The following TMEM156 variants were observed in gnomAD, a reference collection of about 807,000 sequenced individuals.
TMEM156 encodes the protein transmembrane protein 156.
Under a neutral mutation model 30.5 loss-of-function variants are expected in TMEM156, and 28 were observed. The observed-to-expected ratio is 0.92, with a 90% CI of 0.68 to 1.26. The LOEUF is 1.26. Among genes scored for constraint, TMEM156 ranks in the 50% most tolerant of loss-of-function variants. TMEM156 has a pLI of 0.00. For synonymous variants in TMEM156, 137 were observed against 119.9 expected, an observed-to-expected ratio of 1.14 and a Z score of -0.93; for missense variants, 351 against 340.6, an observed-to-expected ratio of 1.03 and a Z score of -0.24.
intron 1 of TMEM156, among the ~76,000 whole-genome samples, chr4:39,020,351 T>G (rs1419258854): frequency 6.6e-6 from 1 of 152,026 alleles, no homozygotes; most frequent in African/African-American, 2.4e-5. Flanking sequence ...GACACACTGA[T>G]TTCCTTTCCT....
At chr4:38,969,565 G>A (rs1271741616) in intron 6 of TMEM156, among the ~76,000 whole-genome samples, 2 of 152,072 alleles carry the variant, frequency 1.3e-5, no homozygotes, top group Admixed American at 6.6e-5. Context: ...TTGCTATAGT[G>A]ATTTATTTTC....
At chr4:38,997,828 A>G (rs73236693) in intron 2 of TMEM156, among the ~76,000 whole-genome samples, 36,208 of 152,108 alleles carry the variant, frequency 0.24, 4,740 homozygotes, top group East Asian at 0.46. Flanking sequence ...ATTATGTCAG[A>G]CATTGTGCAC....
At chr4:39,028,514 T>C (rs1008683962) in intron 1 of TMEM156, 2 of 152,250 alleles carry the variant, frequency 1.3e-5, no homozygotes, top group Non-Finnish European at 2.9e-5. Context: ...CTGTATTTTA[T>C]TTAGTTGTTT....
chr4:38,995,460 T>G (rs1225512336), intron 2 of TMEM156, among the ~76,000 whole-genome samples: 1 of 152,238 alleles, frequency 6.6e-6, no homozygotes, highest in East Asian at 1.9e-4. Flanking sequence ...CTCACGCCTG[T>G]AATCCCAGCA....
chr4:39,003,960 T>C (rs1193466049), intron 1 of TMEM156, among the ~76,000 whole-genome samples: 1 of 152,198 alleles, frequency 6.6e-6, no homozygotes, highest in African/African-American at 2.4e-5. Context: ...TATATTCGGC[T>C]ATGGGGTAAT....
Position 38,985,927 on chromosome 4 carries a change from T to C in TMEM156, c.823+409A>G, listed in dbSNP as rs141828391. On this transcript the variant is annotated intron_variant, in intron 5 of 6. Coordinates refer to ENST00000381938, the MANE Select transcript of TMEM156 (RefSeq NM_024943.3). ...CAGGGGGCTTTTTAATTGGGGCTATTAGAAGTTCTCTTTACACAATGACAC... is the reference window on the plus strand; with the variant it reads ...CAGGGGGCTTTTTAATTGGGGCTATCAGAAGTTCTCTTTACACAATGACAC... Among the ~76,000 whole-genome samples the C allele has an allele frequency of 3.5e-3, 533 of 152,328 alleles. 1 individual carries two copies. Among genetic ancestry groups the C allele is most frequent in the African/African-American group, 0.012 (499 of 41,566 alleles).
intron 1 of TMEM156, among the ~76,000 whole-genome samples, chr4:39,006,036 C>T (rs1188600537): frequency 2.6e-5 from 4 of 152,304 alleles, no homozygotes; most frequent in Admixed American, 2.6e-4. Context: ...GCTGGGATTA[C>T]AGGCATCTGC....
Position 38,993,950 on chromosome 4 carries a change from G to T in TMEM156, c.407C>A (p.Ser136Ter), listed in dbSNP as rs147295252. ...SMEVKANDFH[S>*]PCQHFNFSVA... ...ACTGAAGTTAAAGTGCTGACAAGGT[G>T]AATGAAAATCATTTGCTTTCACTTC... Residue 136 changes from serine (S) to a stop codon, truncating the protein, a stop_gained, in exon 3 of 7, where the codon TCA (serine) becomes TAA (stop). Transcript: ENST00000381938. LOFTEE classifies it high-confidence loss of function. 8.1e-6 allele frequency: 13 copies of T among 1,613,952 alleles called. No individual in the cohort carries two copies. Among genetic ancestry groups the T allele is most frequent in the Non-Finnish European group, 1.1e-5 (13 of 1,179,862 alleles).
intron 1 of TMEM156, among the ~76,000 whole-genome samples, chr4:39,004,158 T>C (rs149037016): frequency 6.6e-6 from 1 of 152,204 alleles, no homozygotes; most frequent in African/African-American, 2.4e-5. Flanking sequence ...CCATTAATAC[T>C]GCTGAGAGTC....
intron 1 of TMEM156, among the ~76,000 whole-genome samples, chr4:39,003,054 G>A (rs60382847): frequency 0.27 from 41,457 of 151,674 alleles, 6,225 homozygotes; most frequent in East Asian, 0.44. Context: ...TTTAAAAAAT[G>A]AAATAAAATA....
chr4:38,995,532 T>C (rs1471478382), intron 2 of TMEM156, among the ~76,000 whole-genome samples: 2 of 152,074 alleles, frequency 1.3e-5, no homozygotes, highest in African/African-American at 2.4e-5. Context: ...CTGAGCAACA[T>C]GATGAAACCC....
intron 5 of TMEM156, among the ~76,000 whole-genome samples, chr4:38,980,032 T>C (rs920264217): frequency 2.3e-4 from 35 of 152,274 alleles, no homozygotes; most frequent in African/African-American, 8.2e-4. Flanking sequence ...TTAAAATAGA[T>C]TTCTGTTATT....
rs368408235 is a variant in TMEM156, at chr4:38,976,890, T to TTTGTTGTTGCTGTTG, written c.824-5754_824-5753insCAACAGCAACAACAA. ...ACAATTTAACATTTGACATTGTTCT[T>TTTGTTGTTGCTGTTG]TTGTTGTTGTTGTTGTTGTTGTTGT... On this transcript the variant is annotated intron_variant, in intron 5 of 6. Transcript: ENST00000381938. 1.5e-3 allele frequency among the ~76,000 whole-genome samples: 220 copies of TTTGTTGTTGCTGTTG among 151,308 alleles called. 1 individual carries two copies. The highest frequency in any genetic ancestry group is 5.1e-3 in the African/African-American group (211 of 41,174).
chr4:38,993,664 G>A, intron 3 of TMEM156, 74 bp downstream of exon 3: 1 of 1,314,492 alleles, frequency 7.6e-7, no homozygotes, highest in Middle Eastern at 1.9e-4. Flanking sequence ...TTCAGTTAAT[G>A]TGATAGCCCT....
intron 1 of TMEM156, among the ~76,000 whole-genome samples, chr4:39,029,006 G>T (rs1485734392): frequency 6.6e-6 from 1 of 152,134 alleles, no homozygotes; most frequent in Non-Finnish European, 1.5e-5. Context: ...GTGTAATTGT[G>T]ATAATGGAAT....
At chr4:38,999,760 T>C (rs1417612149) in intron 1 of TMEM156, among the ~76,000 whole-genome samples, 1 of 152,224 alleles carries the variant, frequency 6.6e-6, no homozygotes, top group East Asian at 1.9e-4. Flanking sequence ...ATTCCTTGGC[T>C]TGTGGCCACA....
intron 1 of TMEM156, among the ~76,000 whole-genome samples, chr4:39,028,135 G>A (rs529819020): frequency 3.9e-5 from 6 of 152,094 alleles, no homozygotes; most frequent in Admixed American, 2.0e-4. Flanking sequence ...TGATCCACCC[G>A]CCTCGGCCTC....
rs754726801 is a variant in TMEM156, at chr4:38,978,182, AT to A, written c.824-7046del. Among the ~76,000 whole-genome samples, 106 of 151,652 alleles carry A rather than the reference AT, an allele frequency of 7.0e-4. 1 individual carries two copies. Among genetic ancestry groups the A allele is most frequent in the Admixed American group, 4.9e-3 (74 of 15,206 alleles). On this transcript the variant is annotated intron_variant, in intron 5 of 6. Transcript: ENST00000381938. The stretch of plus-strand genomic sequence containing the variant: ...ACTGCTAAGGGAATTTGCCCCAGCC[AT>A]TTTTTTTTATTCTCTTATCTCCAAA...
At chr4:39,020,089 C>T (rs1463136139) in intron 1 of TMEM156, among the ~76,000 whole-genome samples, 1 of 152,208 alleles carries the variant, frequency 6.6e-6, no homozygotes, top group Non-Finnish European at 1.5e-5. Flanking sequence ...TTTCACTTAG[C>T]ATAGTATCCC....
Sources: gnomAD v4.1 joint callset for allele counts (sites outside exome capture counted in the v4.1 genomes callset) on GRCh38, gnomAD v4.1.1 for gene constraint, MANE v1.5 for transcripts, NCBI Gene and HGNC (gene_info 2026-07-23, HGNC 2026-07-21) for gene names.